SUCLG1: variants seen among roughly 807,000 people sequenced by gnomAD.
SUCLG1 encodes succinate-CoA ligase GDP/ADP-forming subunit alpha.
SUCLG1 carries 26 observed loss-of-function variants against 37.3 expected under a neutral mutation model. That is an observed-to-expected ratio of 0.70 (90% CI 0.51 to 0.97). The LOEUF is 0.97. Among genes scored for constraint, SUCLG1 ranks in the 50% least tolerant of loss-of-function variants. The pLI is 0.00. For missense variants in SUCLG1, 433 were observed against 432.9 expected, an observed-to-expected ratio of 1.00 and a Z score of 0.00; for synonymous variants, 163 against 155.6, an observed-to-expected ratio of 1.05 and a Z score of -0.36.
At position 84,443,389 on chromosome 2, in the gene SUCLG1, G is replaced by A. The variant is rs777285547; in HGVS notation, c.213C>T (p.His71=). 6.2e-7 allele frequency: 1 copy of A among 1,614,104 alleles called. No individual in the cohort carries two copies. The highest frequency in any genetic ancestry group is 8.5e-7 in the Non-Finnish European group (1 of 1,179,956). Residue 71 remains histidine (H), a synonymous_variant, in exon 3 of 9, where the codon CAC becomes CAT. Transcript: ENST00000393868. ...QGFTGKQGTF[H]SQQALEYGTK... ...TGCCATATTCCAATGCCTGCTGGCT[G>A]TGAAAGGTGCCCTGAGGGGAAAAAG... is the stretch of plus-strand genomic sequence containing the variant.
intron 8 of SUCLG1, 53 bp downstream of exon 8, chr2:84,425,362 C>A: frequency 6.2e-7 from 1 of 1,608,246 alleles, no homozygotes; most frequent in South Asian, 1.1e-5. Flanking sequence ...AGTGTGGCCA[C>A]ACACAGAGAA....
intron 2 of SUCLG1, among the ~76,000 whole-genome samples, chr2:84,444,882 C>T (rs538619709): frequency 2.5e-4 from 38 of 152,158 alleles, no homozygotes; most frequent in Admixed American, 4.6e-4. Context: ...CTGTTCCGCC[C>T]GGCTCACCGG....
chr2:84,444,585 G>T (rs897144353), intron 2 of SUCLG1, among the ~76,000 whole-genome samples: 1 of 152,168 alleles, frequency 6.6e-6, no homozygotes, highest in African/African-American at 2.4e-5. Flanking sequence ...TTTCCAGCAC[G>T]CATTGCATTG....
Position 84,459,198 on chromosome 2 carries a change from G to A in SUCLG1, c.72C>T (p.Ala24=). ...MVSGSSGLAA[A]RLLSRSFLLP... is the part of the protein sequence containing the mutation. ...GGAGGAAGCTGCGCGACAGGAGACG[G>A]GCGGCGGCGAGGCCGCTGCTGCCGG... is the stretch of plus-strand genomic sequence containing the variant. Residue 24 remains alanine, a synonymous_variant, in exon 1 of 9, where the codon GCC becomes GCT. Transcript: ENST00000393868. 1 of 1,550,066 alleles carries A rather than the reference G, an allele frequency of 6.5e-7. No homozygotes were observed. The highest frequency in any genetic ancestry group is 8.7e-7 in the Non-Finnish European group (1 of 1,146,650).
At chr2:84,439,994 A>C (rs1016705993) in intron 5 of SUCLG1, among the ~76,000 whole-genome samples, 1 of 152,234 alleles carries the variant, frequency 6.6e-6, no homozygotes. Context: ...TTATAAGCAC[A>C]TGAAAAGGTG....
At chr2:84,446,967 A>T (rs751480050) in intron 2 of SUCLG1, among the ~76,000 whole-genome samples, 2 of 152,218 alleles carry the variant, frequency 1.3e-5, no homozygotes, top group African/African-American at 4.8e-5. Context: ...GCTAAACAGG[A>T]ATAACACATC....
intron 1 of SUCLG1, among the ~76,000 whole-genome samples, chr2:84,451,563 C>CT (rs1672942880): frequency 6.6e-6 from 1 of 152,196 alleles, no homozygotes; most frequent in South Asian, 2.1e-4. Flanking sequence ...ACGAAGATCT[C>CT]TGCTTTCTCG....
At chr2:84,459,082 T>C (rs1398920656) in intron 1 of SUCLG1, 91 bp downstream of exon 1, 1 of 1,357,416 alleles carries the variant, frequency 7.4e-7, no homozygotes, top group Non-Finnish European at 9.9e-7. Flanking sequence ...GGTCCAGCCC[T>C]GAGGGCCCAG....
chr2:84,437,625 T>C (rs1672707612), intron 5 of SUCLG1, among the ~76,000 whole-genome samples: 1 of 152,198 alleles, frequency 6.6e-6, no homozygotes, highest in African/African-American at 2.4e-5. Context: ...GATAGCAATT[T>C]AGCAGTTTCT....
intron 8 of SUCLG1, 136 bp from the exon 9 acceptor site, chr2:84,423,908 TG>T: frequency 1.1e-6 from 1 of 915,178 alleles, no homozygotes; most frequent in East Asian, 2.7e-5. Flanking sequence ...AGAAGAAAAA[TG>T]TACCAGGATG....
Position 84,451,679 on chromosome 2 carries a change from T to A in SUCLG1, c.98-1927A>T, listed in dbSNP as rs550416739. 2.6e-5 allele frequency among the ~76,000 whole-genome samples: 4 copies of A among 152,264 alleles called. No homozygotes were observed. The South Asian group carries it at 8.3e-4, about 32-fold the overall frequency. On this transcript the variant is annotated intron_variant, in intron 1 of 8. Transcript: ENST00000393868. ...TATCAGAAGTGTGATAAACAGCAGC[T>A]TACCTCCCAATCCCCTAGCCTTTTA... is the stretch of plus-strand genomic sequence containing the variant.
intron 2 of SUCLG1, among the ~76,000 whole-genome samples, chr2:84,447,688 T>C (rs1672870731): frequency 1.3e-5 from 2 of 152,156 alleles, no homozygotes; most frequent in South Asian, 4.1e-4. Flanking sequence ...TTCCTTAGAA[T>C]GTATATAAGG....
At chr2:84,439,357 G>A (rs1672735110) in intron 5 of SUCLG1, among the ~76,000 whole-genome samples, 2 of 152,120 alleles carry the variant, frequency 1.3e-5, no homozygotes, top group African/African-American at 2.4e-5. Context: ...GCAGAGCAGT[G>A]ATCAGAAAGG....
At chr2:84,438,014 T>C (rs945102796) in intron 5 of SUCLG1, among the ~76,000 whole-genome samples, 4 of 152,124 alleles carry the variant, frequency 2.6e-5, no homozygotes, top group African/African-American at 9.7e-5. Context: ...CATGACAAAA[T>C]TATACAATTG....
chr2:84,426,740 A>AT (rs1418149300), intron 7 of SUCLG1: 2 of 152,170 alleles, frequency 1.3e-5, no homozygotes, highest in Non-Finnish European at 2.9e-5. Context: ...TATCATGTTC[A>AT]TAACAGAAGT....
At chr2:84,446,657 C>T (rs1017666488) in intron 2 of SUCLG1, among the ~76,000 whole-genome samples, 1 of 151,710 alleles carries the variant, frequency 6.6e-6, no homozygotes, top group African/African-American at 2.4e-5. Context: ...ACTCTTGCTG[C>T]TCTGCAATGA....
At chr2:84,458,628 A>G (rs1211595803) in intron 1 of SUCLG1, 6 of 152,386 alleles carry the variant, frequency 3.9e-5, no homozygotes, top group African/African-American at 1.4e-4. Context: ...CTAGTAGTCT[A>G]TGCGGCTATG....
intron 6 of SUCLG1, 181 bp downstream of exon 6, chr2:84,433,171 C>T (rs1672635074): frequency 1.5e-6 from 1 of 669,642 alleles, no homozygotes; most frequent in Non-Finnish European, 2.7e-6. Context: ...AATCTTGGAC[C>T]ATGAATCTTG....
intron 3 of SUCLG1, 38 bp from the exon 4 acceptor site, chr2:84,441,497 A>G: frequency 6.3e-7 from 1 of 1,589,062 alleles, no homozygotes. Flanking sequence ...TTATTTGTTA[A>G]ATCATAAACA....
Sources: gnomAD v4.1 joint callset for allele counts (sites outside exome capture counted in the v4.1 genomes callset) on GRCh38, gnomAD v4.1.1 for gene constraint, MANE v1.5 for transcripts, NCBI Gene and HGNC (gene_info 2026-07-23, HGNC 2026-07-21) for gene names.